The following SUGP1 variants were observed in gnomAD, a reference collection of about 807,000 sequenced individuals.
SUGP1 encodes SURP and G-patch domain containing 1, also known as SURP and G-patch domain-containing protein 1.
In SUGP1, 34 loss-of-function variants were observed where a neutral mutation model predicts 76.5. The observed-to-expected ratio is 0.44, with a 90% CI of 0.34 to 0.59. The LOEUF is 0.59. SUGP1 is among the 20% of genes least tolerant of loss of function. The pLI is 0.01. For missense variants in SUGP1, 752 were observed against 851.7 expected (o/e 0.88, Z 1.46); for synonymous variants, 326 against 326.2 (o/e 1.00, Z 0.01).
chr19:19,303,977 G>A (rs750783713), intron 4 of SUGP1, 130 bp from the exon 5 acceptor site: 30 of 1,595,940 alleles, frequency 1.9e-5, no homozygotes, highest in Admixed American at 6.7e-5. Flanking sequence ...GCTGTCGGGC[G>A]TCCCGAGTCC....
intron 8 of SUGP1, among the ~76,000 whole-genome samples, chr19:19,289,542 G>A (rs551688978): frequency 7.2e-5 from 11 of 152,302 alleles, no homozygotes; most frequent in African/African-American, 2.6e-4. Context: ...GAGGTCAGGA[G>A]TTCAAGATCA....
At chr19:19,303,925 A>T (rs1202420998) in intron 4 of SUGP1, 78 bp from the exon 5 acceptor site, 1 of 1,602,080 alleles carries the variant, frequency 6.2e-7, no homozygotes, top group Admixed American at 1.7e-5. Context: ...ATGGACCACA[A>T]CGACAGAGGG....
At chr19:19,300,692 C>T (rs541872897) in intron 7 of SUGP1, among the ~76,000 whole-genome samples, 1 of 152,294 alleles carries the variant, frequency 6.6e-6, no homozygotes, top group Admixed American at 6.5e-5. Context: ...GCAGTGAGTG[C>T]GGAAATGAGC....
At chr19:19,276,892 TACC>T in intron 13 of SUGP1, 52 bp downstream of exon 13, 1 of 1,604,014 alleles carries the variant, frequency 6.2e-7, no homozygotes, top group South Asian at 1.1e-5. Context: ...CTTCTGTTCC[TACC>T]ACCACCCTCT....
At chr19:19,300,799 C>T (rs919796963) in intron 7 of SUGP1, among the ~76,000 whole-genome samples, 7 of 152,106 alleles carry the variant, frequency 4.6e-5, no homozygotes, top group African/African-American at 1.7e-4. Context: ...ACAAGCTGGG[C>T]GCCTGTCAGC....
chr19:19,303,974 G>A, intron 4 of SUGP1, 127 bp from the exon 5 acceptor site: 7 of 1,596,502 alleles, frequency 4.4e-6, no homozygotes, highest in Non-Finnish European at 5.9e-6. Context: ...GAGGCTGTCG[G>A]GCGTCCCGAG....
chr19:19,293,928 T>TA (rs999476512), intron 8 of SUGP1, among the ~76,000 whole-genome samples: 70 of 152,342 alleles, frequency 4.6e-4, no homozygotes, highest in African/African-American at 1.7e-3. Flanking sequence ...CTCATGCCTG[T>TA]AATCCCAGCA....
At chr19:19,299,274 T>A (rs1048957035) in intron 7 of SUGP1, among the ~76,000 whole-genome samples, 1 of 152,258 alleles carries the variant, frequency 6.6e-6, no homozygotes, top group Non-Finnish European at 1.5e-5. Flanking sequence ...CCAGCTCACA[T>A]GGGTGCCTTC....
chr19:19,291,926 CACACACAA>C (rs1435369514), intron 8 of SUGP1, among the ~76,000 whole-genome samples: 3 of 148,772 alleles, frequency 2.0e-5, no homozygotes, highest in African/African-American at 5.0e-5. Context: ...CACACACACA[CACACACAA>C]AAGGGCCAAG....
chr19:19,303,918 G>A (rs1219823504), intron 4 of SUGP1, 71 bp from the exon 5 acceptor site: 1 of 1,606,704 alleles, frequency 6.2e-7, no homozygotes, highest in South Asian at 1.1e-5. Flanking sequence ...TCTCTCTATG[G>A]ACCACAACGA....
At chr19:19,288,440 TTATGTTACCA>T (rs1599850692) in intron 8 of SUGP1, among the ~76,000 whole-genome samples, 1 of 152,204 alleles carries the variant, frequency 6.6e-6, no homozygotes, top group African/African-American at 2.4e-5. Context: ...AATCAACTGT[TTATGTTACCA>T]ATAAGGCTTC....
chr19:19,279,184 A>G (rs934788685), intron 10 of SUGP1, 29 bp downstream of exon 10: 3 of 1,106,734 alleles, frequency 2.7e-6, no homozygotes, highest in Non-Finnish European at 3.9e-6. Flanking sequence ...TGCCCAGCCC[A>G]GCCCGGCCCA....
At position 19,279,280 on chromosome 19, in the gene SUGP1, C is replaced by T. The variant is rs1164420519; in HGVS notation, c.1461G>A (p.Glu487=). The T allele has an allele frequency of 3.1e-6, 5 of 1,611,454 alleles. No individual in the cohort carries two copies. Among genetic ancestry groups the T allele is most frequent in the Non-Finnish European group, 4.2e-6 (5 of 1,179,776 alleles). Residue 487 remains glutamate (E), a synonymous_variant, in exon 10 of 14, where the codon GAG becomes GAA. Coordinates refer to ENST00000247001, the MANE Select transcript of SUGP1 (RefSeq NM_172231.4). ...QQHQHGYDSD[E]EVDSELGTWE... ...AGGTGCCCAGCTCGCTGTCCACCTCCTCATCACTGTCATAGCCGTGCTGGT... is the reference window on the plus strand; with the variant it reads ...AGGTGCCCAGCTCGCTGTCCACCTCTTCATCACTGTCATAGCCGTGCTGGT...
Position 19,276,189 on chromosome 19 carries a change from C to T in SUGP1, c.*459G>A, listed in dbSNP as rs866891911. Reference sequence around the variant, plus strand: ...GCCTCTGCCTCCCGAGTAGCTGAGACGACAGGTGTGCACCACCATGCCCAG... The same window carrying T: ...GCCTCTGCCTCCCGAGTAGCTGAGATGACAGGTGTGCACCACCATGCCCAG... On this transcript the variant is annotated 3_prime_UTR_variant, in exon 14 of 14. Transcript: ENST00000247001. The T allele has an allele frequency of 1.4e-4, 22 of 162,392 alleles. No individual in the cohort carries two copies. Among genetic ancestry groups the T allele is most frequent in the East Asian group, 1.1e-3 (6 of 5,656 alleles). The allele number at this position is 162,392 out of a possible 1,614,324, so 10.1% of individuals were successfully genotyped here.
chr19:19,297,414 C>T (rs536650790), intron 7 of SUGP1, 70 bp from the exon 8 acceptor site: 2 of 1,345,586 alleles, frequency 1.5e-6, no homozygotes, highest in East Asian at 2.3e-5. Context: ...TGGGCAGGAG[C>T]AGTTCTGGCC....
At chr19:19,316,709 A>G in intron 1 of SUGP1, 116 bp from the exon 2 acceptor site, 2 of 1,153,008 alleles carry the variant, frequency 1.7e-6, no homozygotes. Context: ...CTATTAGTTC[A>G]TTTATTCAGC....
intron 8 of SUGP1, among the ~76,000 whole-genome samples, chr19:19,292,500 A>C (rs1036777268): frequency 2.0e-5 from 3 of 151,930 alleles, no homozygotes; most frequent in African/African-American, 7.2e-5. Context: ...CCAGGAGTTC[A>C]AGACCAGCCT....
At chr19:19,277,660 T>C in intron 12 of SUGP1, 74 bp downstream of exon 12, 1 of 1,556,898 alleles carries the variant, frequency 6.4e-7, no homozygotes, top group Non-Finnish European at 8.7e-7. Context: ...CATAAAGGGG[T>C]GGGAATGGGG....
intron 2 of SUGP1, among the ~76,000 whole-genome samples, chr19:19,313,043 C>CTTTA (rs535861396): frequency 2.2e-3 from 337 of 151,464 alleles, no homozygotes; most frequent in Non-Finnish European, 3.4e-3. Flanking sequence ...AAAGGACAGG[C>CTTTA]TATAAAACAG....
Sources: gnomAD v4.1 joint callset for allele counts (sites outside exome capture counted in the v4.1 genomes callset) on GRCh38, gnomAD v4.1.1 for gene constraint, MANE v1.5 for transcripts, NCBI Gene and HGNC (gene_info 2026-07-23, HGNC 2026-07-21) for gene names.